HS3ST4: variants seen among roughly 807,000 people sequenced by gnomAD.
HS3ST4 encodes the protein heparan sulfate-glucosamine 3-sulfotransferase 4.
In HS3ST4, 17 loss-of-function variants were observed where a neutral mutation model predicts 29.2. The observed-to-expected ratio is 0.58, with a 90% CI of 0.40 to 0.87. The LOEUF (loss-of-function observed/expected upper bound fraction) is 0.87, where lower values mean the gene tolerates loss of function less well. Among genes scored for constraint, HS3ST4 ranks in the 40% least tolerant of loss-of-function variants. The pLI is 0.00. For missense variants in HS3ST4, 627 were observed against 634.5 expected, an observed-to-expected ratio of 0.99 and a Z score of 0.13; for synonymous variants, 314 against 285.7, an observed-to-expected ratio of 1.10 and a Z score of -1.00.
intron 1 of HS3ST4, among the ~76,000 whole-genome samples, chr16:26,126,479 A>G (rs750824981): frequency 3.9e-5 from 6 of 152,208 alleles, no homozygotes; most frequent in African/African-American, 1.2e-4. Flanking sequence ...ATGTGTTACA[A>G]TTTTTATTAT....
intron 1 of HS3ST4, among the ~76,000 whole-genome samples, chr16:25,928,937 A>G (rs1442860474): frequency 7.2e-5 from 11 of 152,182 alleles, no homozygotes; most frequent in Non-Finnish European, 1.2e-4. Context: ...TGAGCATGGG[A>G]ACTGGGAGAG....
At chr16:25,876,100 C>A (rs565632065) in intron 1 of HS3ST4, among the ~76,000 whole-genome samples, 51 of 152,260 alleles carry the variant, frequency 3.3e-4, no homozygotes, top group African/African-American at 1.2e-3. Context: ...TCCAGTGAGA[C>A]CTCCACCAGT....
intron 1 of HS3ST4, among the ~76,000 whole-genome samples, chr16:26,090,521 T>C (rs1288637562): frequency 6.6e-6 from 1 of 151,174 alleles, no homozygotes. Flanking sequence ...CCCATGGGAG[T>C]GGGCTCTTCC....
intron 1 of HS3ST4, among the ~76,000 whole-genome samples, chr16:26,070,674 T>C (rs1567305895): frequency 6.6e-6 from 1 of 152,188 alleles, no homozygotes; most frequent in Non-Finnish European, 1.5e-5. Context: ...TACATGTACT[T>C]TTGCATTGAA....
At chr16:26,125,139 G>A (rs988577967) in intron 1 of HS3ST4, among the ~76,000 whole-genome samples, 2 of 152,188 alleles carry the variant, frequency 1.3e-5, no homozygotes, top group Admixed American at 1.3e-4. Context: ...CTGGTTGGTA[G>A]CTCTTCTGAT....
intron 1 of HS3ST4, among the ~76,000 whole-genome samples, chr16:26,071,838 C>T (rs1006753611): frequency 6.6e-6 from 1 of 152,098 alleles, no homozygotes; most frequent in Non-Finnish European, 1.5e-5. Flanking sequence ...CCTAGGCCCT[C>T]CCCTGGAATG....
chr16:25,708,757 G>A (rs190942978), intron 1 of HS3ST4, among the ~76,000 whole-genome samples: 1 of 152,242 alleles, frequency 6.6e-6, no homozygotes, highest in East Asian at 1.9e-4. Context: ...ACTAGCCTGT[G>A]TATCTGTGTC....
At chr16:26,101,576 T>C (rs1898990301) in intron 1 of HS3ST4, among the ~76,000 whole-genome samples, 1 of 152,256 alleles carries the variant, frequency 6.6e-6, no homozygotes, top group African/African-American at 2.4e-5. Context: ...GTTGGTTATG[T>C]GTATTAACAA....
chr16:26,089,112 A>G (rs1303741909), intron 1 of HS3ST4, among the ~76,000 whole-genome samples: 2 of 152,170 alleles, frequency 1.3e-5, no homozygotes, highest in African/African-American at 4.8e-5. Flanking sequence ...CCTAACAGCA[A>G]TTTCTCTGAT....
intron 1 of HS3ST4, among the ~76,000 whole-genome samples, chr16:25,899,094 ATC>A (rs1463268319): frequency 1.3e-5 from 2 of 151,994 alleles, no homozygotes; most frequent in African/African-American, 4.8e-5. Context: ...TCTCTTTCCA[ATC>A]TCTCTGTTTT....
At chr16:25,832,450 A>G (rs765670939) in intron 1 of HS3ST4, among the ~76,000 whole-genome samples, 5 of 152,190 alleles carry the variant, frequency 3.3e-5, no homozygotes, top group Non-Finnish European at 7.4e-5. Flanking sequence ...AAAGCACACA[A>G]TGGTTCGGAC....
rs555727821 is a variant in HS3ST4 at position 25,774,530 on chromosome 16, G to T, written c.734+81379G>T. On this transcript the variant is annotated intron_variant, in intron 1 of 1. Coordinates refer to ENST00000331351, the MANE Select transcript of HS3ST4 (RefSeq NM_006040.3). ...CAAGAACCCTAAGGCCAGACTGCCT[G>T]AGCTTTAATTCAGACTCTGTTGCTT... Among the ~76,000 whole-genome samples the T allele has an allele frequency of 5.3e-5, 8 of 152,302 alleles. 1 individual carries two copies. The South Asian group carries it at 1.7e-3, about 32-fold the overall frequency.
At chr16:25,711,078 C>A (rs1966412113) in intron 1 of HS3ST4, among the ~76,000 whole-genome samples, 1 of 152,054 alleles carries the variant, frequency 6.6e-6, no homozygotes, top group African/African-American at 2.4e-5. Flanking sequence ...TTGCCTCAGT[C>A]TCCCAAAGGG....
intron 1 of HS3ST4, among the ~76,000 whole-genome samples, chr16:26,091,747 C>T (rs4390598): frequency 0.54 from 82,141 of 152,052 alleles, 22,934 homozygotes; most frequent in African/African-American, 0.67. Context: ...AAGTTGGCAT[C>T]TGTTAAGTTC....
chr16:26,088,639 A>G (rs1242146000), intron 1 of HS3ST4, among the ~76,000 whole-genome samples: 1 of 152,236 alleles, frequency 6.6e-6, no homozygotes, highest in Non-Finnish European at 1.5e-5. Context: ...ATGACTGGAT[A>G]AGGTAGGAGA....
intron 1 of HS3ST4, among the ~76,000 whole-genome samples, chr16:26,048,546 G>A (rs1898296552): frequency 6.6e-6 from 1 of 152,212 alleles, no homozygotes. Flanking sequence ...GCTTGGTGCA[G>A]TGGCTCATGC....
chr16:25,701,184 A>T (rs1398247228), intron 1 of HS3ST4, among the ~76,000 whole-genome samples: 1 of 152,216 alleles, frequency 6.6e-6, no homozygotes, highest in East Asian at 1.9e-4. Flanking sequence ...GGTAAGAAGC[A>T]TTCCTAGACA....
intron 1 of HS3ST4, among the ~76,000 whole-genome samples, chr16:25,958,774 C>T (rs1968762574): frequency 6.6e-6 from 1 of 152,174 alleles, no homozygotes; most frequent in South Asian, 2.1e-4. Flanking sequence ...GGGTAGTTCT[C>T]TTCCACGGAG....
chr16:25,711,080 C>T (rs1966412132), intron 1 of HS3ST4, among the ~76,000 whole-genome samples: 1 of 152,040 alleles, frequency 6.6e-6, no homozygotes, highest in South Asian at 2.1e-4. Flanking sequence ...GCCTCAGTCT[C>T]CCAAAGGGGC....
Sources: allele counts gnomAD v4.1 joint callset (sites outside exome capture counted in the v4.1 genomes callset), GRCh38; gene constraint gnomAD v4.1.1; transcripts MANE v1.5; gene names NCBI Gene and HGNC (gene_info 2026-07-23, HGNC 2026-07-21).